The following EPSTI1 variants were observed in gnomAD, a reference collection of about 807,000 sequenced individuals.
EPSTI1 encodes epithelial-stromal interaction protein 1.
Under a neutral mutation model 49.9 loss-of-function variants are expected in EPSTI1, and 66 were observed. The ratio of observed to expected loss-of-function variants is 1.32; its 90% CI spans 1.08 to 1.62. EPSTI1 has a LOEUF of 1.62. Among genes scored for constraint, EPSTI1 ranks in the 40% most tolerant of loss-of-function variants. The pLI is 0.00. For missense variants in EPSTI1, 394 were observed against 365.5 expected (o/e 1.08, Z -0.64); for synonymous variants, 137 against 130.7 (o/e 1.05, Z -0.33).
At chr13:42,991,124 T>A (rs547410390) in intron 1 of EPSTI1, 1 of 152,464 alleles carries the variant, frequency 6.6e-6, no homozygotes, top group South Asian at 2.1e-4. Context: ...GCTCCACTCC[T>A]CTGGTTGTAA....
At chr13:42,968,522 A>C (rs947297061) in intron 3 of EPSTI1, among the ~76,000 whole-genome samples, 2 of 152,154 alleles carry the variant, frequency 1.3e-5, no homozygotes, top group African/African-American at 4.8e-5. Flanking sequence ...CTTCTGAATG[A>C]TTCAAACACC....
At position 42,989,701 on chromosome 13, in the gene EPSTI1, C is replaced by T. The variant is rs560118723; in HGVS notation, c.188+2277G>A. ...CTCTGCCTCCCGGGTTCACGCCATT[C>T]TCCTGCCTCAGCCTCCCAAGTAGCT... On this transcript the variant is annotated intron_variant, in intron 1 of 10. Coordinates refer to ENST00000313624, the MANE Select transcript of EPSTI1 (RefSeq NM_033255.5). Among the ~76,000 whole-genome samples the T allele has an allele frequency of 1.7e-3, 262 of 151,314 alleles. 1 individual carries two copies. Among genetic ancestry groups the T allele is most frequent in the Non-Finnish European group, 2.8e-3 (191 of 67,830 alleles).
At chr13:42,928,569 T>C (rs995424480) in intron 6 of EPSTI1, among the ~76,000 whole-genome samples, 2 of 152,206 alleles carry the variant, frequency 1.3e-5, no homozygotes, top group African/African-American at 2.4e-5. Context: ...CTATTCTCCA[T>C]AGAACAAAAT....
intron 10 of EPSTI1, chr13:42,889,081 C>T: frequency 4.0e-6 from 3 of 752,004 alleles, no homozygotes; most frequent in South Asian, 3.3e-5. Context: ...CTCAGGTTGC[C>T]TCATTGGTCA....
Position 42,934,639 on chromosome 13 carries a change from T to C in EPSTI1, c.564-8210A>G, listed in dbSNP as rs371846970. On this transcript the variant is annotated intron_variant, in intron 6 of 10. Coordinates refer to ENST00000313624, the MANE Select transcript of EPSTI1 (RefSeq NM_033255.5). ...TGCTGGGGTTGTGGTTGGGGGGACG[T>C]TGTAATGGTCCTGAGCTTTCTCCTG... 544 of 158,620 alleles carry C rather than the reference T, an allele frequency of 3.4e-3. 2 individuals carry two copies. Among genetic ancestry groups the C allele is most frequent in the African/African-American group, 0.013 (521 of 41,562 alleles). The allele number at this position is 158,620 out of a possible 1,614,324, so 9.8% of individuals were successfully genotyped here. A position where few individuals can be genotyped will look rare whatever the true frequency, so the allele number is the denominator to read the frequency against.
In EPSTI1 at chr13:42,922,291, A is replaced by G. The variant is rs778933015; in HGVS notation, c.657+4045T>C. 2.4e-4 allele frequency among the ~76,000 whole-genome samples: 36 copies of G among 152,340 alleles called. No homozygotes were observed. Among genetic ancestry groups the G allele is most frequent in the African/African-American group, 6.5e-4 (27 of 41,586 alleles). On this transcript the variant is annotated intron_variant, in intron 7 of 10. Coordinates refer to ENST00000313624, the MANE Select transcript of EPSTI1 (RefSeq NM_033255.5). This position sits in a 1 kb window ranked among gnomAD's most constrained non-coding sequence, Gnocchi z 4.8. The stretch of plus-strand genomic sequence containing the variant: ...CCCTGGAATCTGTGAATGTTTCTTT[A>G]TGTGACAAAAGGGACTTTGCAGAAA...
chr13:42,950,625 T>C (rs1488274943), intron 6 of EPSTI1, among the ~76,000 whole-genome samples: 3 of 152,202 alleles, frequency 2.0e-5, no homozygotes, highest in Admixed American at 6.5e-5. Flanking sequence ...AACTTGGATT[T>C]ATAGTCCGCT....
intron 6 of EPSTI1, among the ~76,000 whole-genome samples, chr13:42,941,020 T>A (rs1387207201): frequency 6.6e-6 from 1 of 152,210 alleles, no homozygotes; most frequent in Non-Finnish European, 1.5e-5. Flanking sequence ...ATTATTTACT[T>A]AAAACATTCT....
chr13:42,908,483 TGAAAAA>T (rs2037564530), intron 8 of EPSTI1, among the ~76,000 whole-genome samples: 1 of 61,106 alleles, frequency 1.6e-5, no homozygotes. Flanking sequence ...GACTCTGTTA[TGAAAAA>T]AAAAAAAAAA....
chr13:42,970,469 T>C, intron 2 of EPSTI1, 143 bp downstream of exon 2: 1 of 575,680 alleles, frequency 1.7e-6, no homozygotes, highest in East Asian at 3.0e-5. Flanking sequence ...TTTAAAGGTA[T>C]AATCAAAACT....
At chr13:42,984,947 T>C (rs1336267862) in intron 1 of EPSTI1, among the ~76,000 whole-genome samples, 1 of 152,142 alleles carries the variant, frequency 6.6e-6, no homozygotes, top group African/African-American at 2.4e-5. Flanking sequence ...TGTCTAAGTG[T>C]TGAGGTTGCA....
chr13:42,985,208 C>G (rs1358155729), intron 1 of EPSTI1, among the ~76,000 whole-genome samples: 4 of 152,102 alleles, frequency 2.6e-5, no homozygotes, highest in African/African-American at 9.7e-5. Flanking sequence ...AATGGGAATA[C>G]AGTGGGTATA....
chr13:42,967,841 C>G (rs1379896398), intron 3 of EPSTI1, among the ~76,000 whole-genome samples: 1 of 152,198 alleles, frequency 6.6e-6, no homozygotes, highest in Non-Finnish European at 1.5e-5. Context: ...CCCCTTCAAT[C>G]CCAGAAAGGT....
chr13:42,889,318 G>A (rs1264685885), intron 10 of EPSTI1: 2 of 893,274 alleles, frequency 2.2e-6, no homozygotes, highest in Non-Finnish European at 3.3e-6. Flanking sequence ...TAAGAAATAT[G>A]AGAAGACTGA....
At chr13:42,921,862 G>A (rs61952560) in intron 7 of EPSTI1, among the ~76,000 whole-genome samples, 48,400 of 151,086 alleles carry the variant, frequency 0.32, 9,425 homozygotes, top group Non-Finnish European at 0.44. Flanking sequence ...ATCCAGGAGG[G>A]AGAGAAAAAA....
chr13:42,892,690 A>G (rs1464726838), intron 10 of EPSTI1, among the ~76,000 whole-genome samples: 1 of 152,212 alleles, frequency 6.6e-6, no homozygotes, highest in Non-Finnish European at 1.5e-5. Context: ...CTGGAAATAG[A>G]AACTTGGGAG....
chr13:42,954,286 T>C (rs967190133), intron 5 of EPSTI1, among the ~76,000 whole-genome samples: 4 of 152,192 alleles, frequency 2.6e-5, no homozygotes, highest in Non-Finnish European at 5.9e-5. Context: ...TTTTTATTCT[T>C]TAGTTCAAAT....
intron 6 of EPSTI1, among the ~76,000 whole-genome samples, chr13:42,944,600 G>A (rs1465212932): frequency 2.0e-5 from 3 of 152,122 alleles, no homozygotes; most frequent in Non-Finnish European, 2.9e-5. Context: ...GCAAACCACC[G>A]TGGCACGTGT....
intron 2 of EPSTI1, 46 bp from the exon 3 acceptor site, chr13:42,969,223 A>G (rs1233813517): frequency 6.4e-7 from 1 of 1,574,166 alleles, no homozygotes; most frequent in East Asian, 2.2e-5. Flanking sequence ...TAGACTTCTA[A>G]AAGAAAACCA....
Sources: gnomAD v4.1 joint callset for allele counts (sites outside exome capture counted in the v4.1 genomes callset) on GRCh38, gnomAD v4.1.1 for gene constraint, Gnocchi (gnomAD v3.1) non-coding constraint, MANE v1.5 for transcripts, NCBI Gene and HGNC (gene_info 2026-07-23, HGNC 2026-07-21) for gene names.